The following UNC5D variants were observed in gnomAD, a reference collection of about 807,000 sequenced individuals.
UNC5D encodes unc-5 netrin receptor D, also known as netrin receptor UNC5D.
Under a neutral mutation model 105.4 loss-of-function variants are expected in UNC5D, and 39 were observed. That is an observed-to-expected ratio of 0.37 (90% CI 0.29 to 0.48). The LOEUF (loss-of-function observed/expected upper bound fraction) is 0.48, where lower values mean the gene tolerates loss of function less well. Among genes scored for constraint, UNC5D ranks in the 20% least tolerant of loss-of-function variants. The pLI is 0.98. For missense variants in UNC5D, 991 were observed against 1,202.4 expected, an observed-to-expected ratio of 0.82 and a Z score of 2.60; for synonymous variants, 452 against 450.4, an observed-to-expected ratio of 1.00 and a Z score of -0.04.
chr8:35,566,019 A>C (rs896228637), intron 2 of UNC5D, among the ~76,000 whole-genome samples: 1 of 152,196 alleles, frequency 6.6e-6, no homozygotes, highest in Non-Finnish European at 1.5e-5. Context: ...CAGGAACAAC[A>C]TCATCATCAT....
intron 1 of UNC5D, among the ~76,000 whole-genome samples, chr8:35,342,400 G>A (rs771839477): frequency 2.6e-5 from 4 of 152,048 alleles, no homozygotes; most frequent in Non-Finnish European, 5.9e-5. Context: ...TGTTGGGCAT[G>A]GTCTTCTGTA....
intron 1 of UNC5D, among the ~76,000 whole-genome samples, chr8:35,465,555 T>G (rs1298632804): frequency 6.6e-6 from 1 of 152,206 alleles, no homozygotes; most frequent in Non-Finnish European, 1.5e-5. Flanking sequence ...AATCCTTTTC[T>G]TTTCAGTTGT....
intron 1 of UNC5D, among the ~76,000 whole-genome samples, chr8:35,420,079 A>G (rs1805794189): frequency 6.6e-6 from 1 of 152,142 alleles, no homozygotes; most frequent in African/African-American, 2.4e-5. Flanking sequence ...AAAAATCAAA[A>G]AAGGGTTTTC....
chr8:35,640,932 C>G (rs1288851768), intron 4 of UNC5D, among the ~76,000 whole-genome samples: 1 of 152,066 alleles, frequency 6.6e-6, no homozygotes, highest in Non-Finnish European at 1.5e-5. Context: ...CCTCTCCTCT[C>G]TCTCTCTCTT....
At chr8:35,781,568 G>A (rs1261025109) in intron 16 of UNC5D, among the ~76,000 whole-genome samples, 1 of 152,090 alleles carries the variant, frequency 6.6e-6, no homozygotes, top group Non-Finnish European at 1.5e-5. Context: ...AAATAGTACT[G>A]AAAAAAGTTA....
At chr8:35,737,630 T>A (rs1037391157) in intron 11 of UNC5D, among the ~76,000 whole-genome samples, 2 of 152,196 alleles carry the variant, frequency 1.3e-5, no homozygotes, top group African/African-American at 2.4e-5. Context: ...TAGTAAGATG[T>A]CATGATATTT....
rs932190928 is a variant in UNC5D at position 35,260,168 on chromosome 8, A to C, written c.103+24281A>C. On this transcript the variant is annotated intron_variant, in intron 1 of 16. Coordinates refer to ENST00000404895, the MANE Select transcript of UNC5D (RefSeq NM_080872.4). ...TGACAGGTATAGTTATGTCTTCTCG[A>C]AAGTGCAGAGGGAACGGTTCACCTG... Among the ~76,000 whole-genome samples the C allele has an allele frequency of 2.0e-5, 3 of 152,242 alleles. No individual in the cohort carries two copies. In the South Asian group the frequency reaches 6.2e-4, roughly 32 times the overall value.
At chr8:35,379,189 C>T (rs1802880672) in intron 1 of UNC5D, among the ~76,000 whole-genome samples, 1 of 152,160 alleles carries the variant, frequency 6.6e-6, no homozygotes. Context: ...GCTCCTTTGA[C>T]AGGAGATCAC....
At chr8:35,281,789 A>T (rs1417126315) in intron 1 of UNC5D, among the ~76,000 whole-genome samples, 1 of 152,176 alleles carries the variant, frequency 6.6e-6, no homozygotes, top group Non-Finnish European at 1.5e-5. Flanking sequence ...CATGCCTTTG[A>T]TACTTCTAAG....
intron 1 of UNC5D, among the ~76,000 whole-genome samples, chr8:35,522,742 A>T (rs1397122809): frequency 6.6e-6 from 1 of 152,216 alleles, no homozygotes; most frequent in East Asian, 1.9e-4. Context: ...AAACTGGATG[A>T]TCTCTACTAT....
chr8:35,307,024 C>G (rs1808473379), intron 1 of UNC5D, among the ~76,000 whole-genome samples: 1 of 152,074 alleles, frequency 6.6e-6, no homozygotes, highest in Admixed American at 6.6e-5. Flanking sequence ...CCCACAGTAT[C>G]CAATCTTTTG....
chr8:35,537,950 T>C (rs1170864937), intron 1 of UNC5D, among the ~76,000 whole-genome samples: 4 of 152,102 alleles, frequency 2.6e-5, no homozygotes, highest in Non-Finnish European at 4.4e-5. Flanking sequence ...ATATAAATAA[T>C]GAAGGGTCTC....
chr8:35,435,834 C>T (rs901859039), intron 1 of UNC5D, among the ~76,000 whole-genome samples: 3 of 151,948 alleles, frequency 2.0e-5, no homozygotes, highest in African/African-American at 7.2e-5. Context: ...GGCAGTCAAC[C>T]TCTTTGAATT....
intron 1 of UNC5D, among the ~76,000 whole-genome samples, chr8:35,407,766 T>G (rs1172374887): frequency 6.6e-6 from 1 of 152,114 alleles, no homozygotes; most frequent in East Asian, 1.9e-4. Context: ...CTTTAGCTCC[T>G]GCTTATAATT....
chr8:35,528,595 A>G (rs1262282556), intron 1 of UNC5D, among the ~76,000 whole-genome samples: 2 of 146,660 alleles, frequency 1.4e-5, no homozygotes, highest in Non-Finnish European at 3.0e-5. Flanking sequence ...TGGTATTTCT[A>G]GTTCTAGATC....
intron 1 of UNC5D, among the ~76,000 whole-genome samples, chr8:35,242,306 C>G (rs1009590772): frequency 1.3e-5 from 2 of 152,048 alleles, no homozygotes; most frequent in Admixed American, 1.3e-4. Flanking sequence ...GAAATGACAT[C>G]ACAGACATTT....
intron 1 of UNC5D, among the ~76,000 whole-genome samples, chr8:35,535,164 C>A (rs894198054): frequency 6.6e-6 from 1 of 152,186 alleles, no homozygotes; most frequent in African/African-American, 2.4e-5. Flanking sequence ...AGCTATCAAC[C>A]TATTGATGAT....
Position 35,479,573 on chromosome 8 carries a change from TGTG to T in UNC5D, c.104-69715_104-69713del, listed in dbSNP as rs564267166. 1.6e-3 allele frequency among the ~76,000 whole-genome samples: 240 copies of T among 152,020 alleles called. 1 individual carries two copies. The highest frequency in any genetic ancestry group is 5.6e-3 in the African/African-American group (231 of 41,474). On this transcript the variant is annotated intron_variant, in intron 1 of 16. Coordinates refer to ENST00000404895, the MANE Select transcript of UNC5D (RefSeq NM_080872.4). ...TCAACAGTAAACTGGATAAAGAAAA[TGTG>T]GTGCATATACACCATGGAATAGTAC...
intron 1 of UNC5D, among the ~76,000 whole-genome samples, chr8:35,335,233 CTA>C (rs1810936041): frequency 6.6e-6 from 1 of 152,148 alleles, no homozygotes; most frequent in Admixed American, 6.5e-5. Context: ...ACAAATAAAA[CTA>C]TGATTCTTCA....
Sources: allele counts gnomAD v4.1 joint callset (sites outside exome capture counted in the v4.1 genomes callset), GRCh38; gene constraint gnomAD v4.1.1; transcripts MANE v1.5; gene names NCBI Gene and HGNC (gene_info 2026-07-23, HGNC 2026-07-21).